GPHN: variants seen among roughly 807,000 people sequenced by gnomAD.
GPHN encodes the protein gephyrin.
A neutral mutation model predicts 95.5 loss-of-function variants in GPHN; 17 were observed. The observed-to-expected ratio is 0.18, with a 90% CI of 0.12 to 0.27. The LOEUF is 0.27. GPHN is among the 10% of genes least tolerant of loss of function. GPHN has a pLI of 1.00. For synonymous variants in GPHN, 320 were observed against 322.5 expected (o/e 0.99, Z 0.08); for missense variants, 660 against 978.1 (o/e 0.67, Z 4.34).
chr14:67,300,986 C>G, the GPHN span, among the ~76,000 whole-genome samples: 1 of 152,158 alleles, frequency 6.6e-6, no homozygotes, highest in East Asian at 1.9e-4. Flanking sequence ...GCCACTGCAC[C>G]CAGCCTGACT....
the GPHN span, among the ~76,000 whole-genome samples, chr14:67,187,438 T>C: frequency 7.8e-4 from 118 of 152,076 alleles, 1 homozygote; most frequent in Admixed American, 2.1e-3. Flanking sequence ...TACTGATAGT[T>C]CCCAAGTTAA....
At chr14:67,215,230 A>G in the GPHN span, among the ~76,000 whole-genome samples, 1 of 152,146 alleles carries the variant, frequency 6.6e-6, no homozygotes, top group Admixed American at 6.5e-5. Flanking sequence ...AGCTGTGGAA[A>G]GAACTATAGG....
intron 1 of GPHN, among the ~76,000 whole-genome samples, chr14:66,565,203 A>G (rs2060412465): frequency 6.6e-6 from 1 of 152,120 alleles, no homozygotes; most frequent in Non-Finnish European, 1.5e-5. Flanking sequence ...TGTAGGAGAG[A>G]TAGGATAGAT....
At chr14:67,414,217 AC>A in the GPHN span, among the ~76,000 whole-genome samples, 1 of 152,176 alleles carries the variant, frequency 6.6e-6, no homozygotes, top group East Asian at 1.9e-4. Context: ...AGAGATGGAT[AC>A]CTTCTCCTGG....
chr14:66,825,950 G>T (rs1438442781), intron 4 of GPHN, among the ~76,000 whole-genome samples: 4 of 152,068 alleles, frequency 2.6e-5, no homozygotes, highest in African/African-American at 9.7e-5. Context: ...CTTGTGTTTT[G>T]TTTCTTTGTA....
chr14:67,413,600 G>C, the GPHN span, among the ~76,000 whole-genome samples: 1 of 152,206 alleles, frequency 6.6e-6, no homozygotes, highest in African/African-American at 2.4e-5. Context: ...TCTTGACACA[G>C]TGTTGCTTCT....
At chr14:67,158,235 A>C (rs1215226923) in intron 18 of GPHN, among the ~76,000 whole-genome samples, 1 of 147,594 alleles carries the variant, frequency 6.8e-6, no homozygotes, top group Admixed American at 6.9e-5. Flanking sequence ...TGAACCCAGG[A>C]GGAGGAGGAT....
At chr14:66,692,937 C>T (rs1208149930) in intron 2 of GPHN, among the ~76,000 whole-genome samples, 1 of 151,940 alleles carries the variant, frequency 6.6e-6, no homozygotes, top group Non-Finnish European at 1.5e-5. Flanking sequence ...CTTCATTGCA[C>T]TTTAAAAAAT....
At chr14:67,208,527 ACT>A in the GPHN span, 1 of 1,436,312 alleles carries the variant, frequency 7.0e-7, no homozygotes, top group African/African-American at 1.4e-5. Flanking sequence ...TAGTCTCTTA[ACT>A]CAGGCATCTG....
chr14:67,267,442 G>T, the GPHN span, among the ~76,000 whole-genome samples: 5 of 151,864 alleles, frequency 3.3e-5, no homozygotes, highest in South Asian at 1.0e-3. Flanking sequence ...GTAGAGATGG[G>T]GGTTCATCAT....
the GPHN span, among the ~76,000 whole-genome samples, chr14:67,396,493 A>G: frequency 1.3e-5 from 2 of 150,486 alleles, no homozygotes; most frequent in African/African-American, 2.5e-5. Context: ...AAAATCTTCA[A>G]TGGCTCTCCA....
At chr14:67,632,050 A>AT in the GPHN span, among the ~76,000 whole-genome samples, 5 of 151,332 alleles carry the variant, frequency 3.3e-5, no homozygotes, top group Admixed American at 1.3e-4. Context: ...AATTTTGTTT[A>AT]TTTTTTTCTT....
chr14:66,711,978 T>C (rs1187420581), intron 2 of GPHN, among the ~76,000 whole-genome samples: 2 of 152,192 alleles, frequency 1.3e-5, no homozygotes, highest in Non-Finnish European at 2.9e-5. Context: ...ATTTTCTTAA[T>C]CCAGTCTATC....
chr14:66,905,381 CT>C (rs1207470629), intron 5 of GPHN, among the ~76,000 whole-genome samples: 1 of 152,000 alleles, frequency 6.6e-6, no homozygotes, highest in Admixed American at 6.6e-5. Context: ...ATTTTGAGCT[CT>C]TGGTTAGGGA....
At chr14:67,129,145 A>G (rs1238788614) in intron 17 of GPHN, among the ~76,000 whole-genome samples, 1 of 151,816 alleles carries the variant, frequency 6.6e-6, no homozygotes, top group African/African-American at 2.4e-5. Flanking sequence ...TATTTCTGAA[A>G]TACTTGAATA....
chr14:67,124,103 T>G (rs1412586099), intron 17 of GPHN, among the ~76,000 whole-genome samples: 1 of 152,144 alleles, frequency 6.6e-6, no homozygotes, highest in African/African-American at 2.4e-5. Flanking sequence ...TTTGCATGGA[T>G]GTTTAGCTCT....
chr14:67,600,234 G>T, the GPHN span: 1 of 1,523,806 alleles, frequency 6.6e-7, no homozygotes, highest in South Asian at 1.2e-5. Context: ...CGCACCGCGC[G>T]GCGCTGCACT....
the GPHN span, chr14:67,650,683 A>T: frequency 6.2e-7 from 1 of 1,602,828 alleles, no homozygotes; most frequent in Non-Finnish European, 8.5e-7. Flanking sequence ...CAGCAAGGGA[A>T]CCTGAGGTTT....
intron 19 of GPHN, among the ~76,000 whole-genome samples, chr14:67,163,659 A>C (rs1017399283): frequency 2.0e-5 from 3 of 152,176 alleles, no homozygotes; most frequent in African/African-American, 7.2e-5. Context: ...GTATTATTGC[A>C]AAAGGTAAAG....
Sources: gnomAD v4.1 joint callset for allele counts (sites outside exome capture counted in the v4.1 genomes callset) on GRCh38, gnomAD v4.1.1 for gene constraint, MANE v1.5 for transcripts, NCBI Gene and HGNC (gene_info 2026-07-23, HGNC 2026-07-21) for gene names.